Variants in PRKN observed in about 807,000 individuals in gnomAD.
The protein encoded by PRKN is E3 ubiquitin-protein ligase parkin.
Under a neutral mutation model 59.5 loss-of-function variants are expected in PRKN, and 56 were observed. That is an observed-to-expected ratio of 0.94 (90% CI 0.76 to 1.18). The LOEUF (loss-of-function observed/expected upper bound fraction) is 1.18, where lower values mean the gene tolerates loss of function less well. PRKN is among the 50% of genes most tolerant of loss of function. PRKN has a pLI of 0.00. For missense variants in PRKN, 657 were observed against 596.4 expected (o/e 1.10, Z -1.06); for synonymous variants, 250 against 222.1 (o/e 1.13, Z -1.12).
chr6:162,103,928 C>G (rs191551157), intron 4 of PRKN, among the ~76,000 whole-genome samples: 1 of 152,148 alleles, frequency 6.6e-6, no homozygotes, highest in Non-Finnish European at 1.5e-5. Flanking sequence ...CGGCCTTATA[C>G]GATTTAAGCT....
At chr6:162,520,390 C>T (rs67511878) in intron 1 of PRKN, among the ~76,000 whole-genome samples, 16,394 of 152,098 alleles carry the variant, frequency 0.11, 1,039 homozygotes, top group African/African-American at 0.17. Context: ...GAGATGAATT[C>T]AGGGAAACAT....
intron 8 of PRKN, among the ~76,000 whole-genome samples, chr6:161,567,323 C>T (rs1463599581): frequency 6.6e-6 from 1 of 152,184 alleles, no homozygotes; most frequent in Non-Finnish European, 1.5e-5. Flanking sequence ...GTTATCATTA[C>T]AGGTGTGAGC....
intron 2 of PRKN, among the ~76,000 whole-genome samples, chr6:162,428,664 T>C (rs1231260775): frequency 1.3e-5 from 2 of 152,178 alleles, no homozygotes; most frequent in East Asian, 3.9e-4. Context: ...AATGCGTACA[T>C]CTGCTAGTCC....
At chr6:162,208,821 T>G (rs1416793348) in intron 3 of PRKN, among the ~76,000 whole-genome samples, 1 of 152,128 alleles carries the variant, frequency 6.6e-6, no homozygotes, top group African/African-American at 2.4e-5. Flanking sequence ...TTCCTCACAA[T>G]GACATCTCTA....
intron 1 of PRKN, among the ~76,000 whole-genome samples, chr6:162,444,175 C>T (rs1173518803): frequency 2.0e-5 from 3 of 152,072 alleles, no homozygotes; most frequent in African/African-American, 7.2e-5. Context: ...ACCTCTTCAG[C>T]GTCTCTCACT....
chr6:161,968,003 A>C (rs1366339834), intron 6 of PRKN, among the ~76,000 whole-genome samples: 1 of 151,986 alleles, frequency 6.6e-6, no homozygotes, highest in African/African-American at 2.4e-5. Context: ...TAAGCCAGTG[A>C]TGGACATTAT....
chr6:161,684,947 T>C (rs61694041), intron 7 of PRKN, among the ~76,000 whole-genome samples: 1 of 152,188 alleles, frequency 6.6e-6, no homozygotes, highest in Non-Finnish European at 1.5e-5. Context: ...AATTCCTAGA[T>C]GAGGGATCAG....
At chr6:161,890,514 C>T (rs1035206257) in intron 6 of PRKN, among the ~76,000 whole-genome samples, 1 of 152,292 alleles carries the variant, frequency 6.6e-6, no homozygotes, top group African/African-American at 2.4e-5. Flanking sequence ...GAGTTTGGGA[C>T]TCATGGGCTG....
chr6:162,094,936 C>T (rs1483785131), intron 4 of PRKN, among the ~76,000 whole-genome samples: 1 of 151,972 alleles, frequency 6.6e-6, no homozygotes, highest in Non-Finnish European at 1.5e-5. Context: ...TGTATTCATG[C>T]AAATAGTATT....
chr6:161,734,183 T>A (rs1179924532), intron 7 of PRKN, among the ~76,000 whole-genome samples: 1 of 152,138 alleles, frequency 6.6e-6, no homozygotes, highest in African/African-American at 2.4e-5. Context: ...TCGGTTTTCC[T>A]GCAAATTTTA....
chr6:162,584,533 C>G (rs568633261), intron 1 of PRKN, among the ~76,000 whole-genome samples: 1 of 152,084 alleles, frequency 6.6e-6, no homozygotes, highest in East Asian at 1.9e-4. Flanking sequence ...AATAATTCCC[C>G]TTGCTCCTAG....
At chr6:162,002,830 TC>T (rs1782109241) in intron 5 of PRKN, among the ~76,000 whole-genome samples, 1 of 152,280 alleles carries the variant, frequency 6.6e-6, no homozygotes, top group East Asian at 1.9e-4. Context: ...AGTTATATTT[TC>T]ATTTTCATCT....
intron 6 of PRKN, among the ~76,000 whole-genome samples, chr6:161,910,168 G>A: frequency 6.6e-6 from 1 of 152,166 alleles, no homozygotes; most frequent in East Asian, 1.9e-4. Flanking sequence ...TCTTATGGAT[G>A]AACAAAGAAA....
chr6:162,098,908 G>C (rs1349113437), intron 4 of PRKN, among the ~76,000 whole-genome samples: 1 of 152,146 alleles, frequency 6.6e-6, no homozygotes, highest in Non-Finnish European at 1.5e-5. Flanking sequence ...TGTGGAATGA[G>C]ATGTGGACTT....
chr6:162,562,314 G>C (rs1001717243), intron 1 of PRKN, among the ~76,000 whole-genome samples: 1 of 152,162 alleles, frequency 6.6e-6, no homozygotes, highest in South Asian at 2.1e-4. Context: ...ACCACGTCGA[G>C]GGCCTTGGGT....
intron 2 of PRKN, among the ~76,000 whole-genome samples, chr6:162,316,330 G>A (rs1782753213): frequency 6.6e-6 from 1 of 151,968 alleles, no homozygotes; most frequent in African/African-American, 2.4e-5. Flanking sequence ...GGTTGATTGA[G>A]CCACAACCAG....
chr6:162,506,630 ATG>A (rs1356765514), intron 1 of PRKN, among the ~76,000 whole-genome samples: 1 of 152,210 alleles, frequency 6.6e-6, no homozygotes, highest in Admixed American at 6.5e-5. Context: ...TGGGATAAAA[ATG>A]GAATCATGAT....
At chr6:162,711,474 T>C (rs2128238776) in intron 1 of PRKN, among the ~76,000 whole-genome samples, 1 of 150,842 alleles carries the variant, frequency 6.6e-6, no homozygotes, top group Non-Finnish European at 1.5e-5. Flanking sequence ...CCCTGAACTA[T>C]TCCGCTGTGC....
chr6:161,569,397 CA>C lies in PRKN; in HGVS notation c.890del (p.Leu297Ter). 6.2e-7 allele frequency: 1 copy of C among 1,614,010 alleles called. No homozygotes were observed. Among genetic ancestry groups the C allele is most frequent in the Non-Finnish European group, 8.5e-7 (1 of 1,179,876 alleles). ...LPCVAGCPNS[L>X]IKELHHFRIL... ...TCCTGAAGTGATGGAGCTCTTTAATCAAGGAGTTGGGACAGCCAGCTGTTGG... is the reference window on the plus strand; with the variant it reads ...TCCTGAAGTGATGGAGCTCTTTAATCAGGAGTTGGGACAGCCAGCTGTTGG... On this transcript the variant is annotated frameshift_variant, in exon 8 of 12. Transcript: ENST00000366898. LOFTEE classifies it high-confidence loss of function.
Sources: allele counts gnomAD v4.1 joint callset (sites outside exome capture counted in the v4.1 genomes callset), GRCh38; gene constraint gnomAD v4.1.1; transcripts MANE v1.5; gene names NCBI Gene and HGNC (gene_info 2026-07-23, HGNC 2026-07-21).